Variants in FAM20A observed in about 807,000 individuals in gnomAD.
FAM20A encodes FAM20A golgi associated secretory pathway pseudokinase, also known as pseudokinase FAM20A.
A neutral mutation model predicts 52.0 loss-of-function variants in FAM20A; 42 were observed. That is an observed-to-expected ratio of 0.81 (90% CI 0.63 to 1.04). The LOEUF (loss-of-function observed/expected upper bound fraction) is 1.04. Ranked by LOEUF, FAM20A falls within the 50% of genes least tolerant of loss-of-function variation. The pLI is 0.00. For synonymous variants in FAM20A, 304 were observed against 298.9 expected (o/e 1.02, Z -0.18); for missense variants, 742 against 712.7 (o/e 1.04, Z -0.47).
In FAM20A at chr17:68,543,627, A is replaced by G. The variant is rs1483011834; in HGVS notation, c.812+2T>C. On this transcript the variant is annotated splice_donor_variant, in intron 5 of 10. Coordinates refer to ENST00000592554, the MANE Select transcript of FAM20A (RefSeq NM_017565.4). LOFTEE classifies it high-confidence loss of function. ...TGCCATCTCCATGGGGCCAGACCCT[A>G]CCTGTCCAGATGGAAAGCTGCGATC... 1 of 1,613,790 alleles carries G rather than the reference A, an allele frequency of 6.2e-7. No homozygotes were observed. Among genetic ancestry groups the G allele is most frequent in the African/African-American group, 1.3e-5 (1 of 74,886 alleles).
intron 1 of FAM20A, among the ~76,000 whole-genome samples, chr17:68,576,529 T>A (rs1489377974): frequency 6.6e-6 from 1 of 152,210 alleles, no homozygotes; most frequent in African/African-American, 2.4e-5. Context: ...CAAGGCTCCC[T>A]TCTGACTGTC....
At chr17:68,557,485 A>G (rs1237328494) in intron 1 of FAM20A, 2 of 152,218 alleles carry the variant, frequency 1.3e-5, no homozygotes, top group South Asian at 2.1e-4. Context: ...CCCTTCTGCC[A>G]TGTCAGGTTA....
chr17:68,555,138 C>T (rs1009472664), intron 2 of FAM20A, among the ~76,000 whole-genome samples: 17 of 152,212 alleles, frequency 1.1e-4, no homozygotes, highest in African/African-American at 4.1e-4. Context: ...CTTGACAGCA[C>T]AGACTTGGTA....
At chr17:68,558,840 C>T (rs1444107044) in intron 1 of FAM20A, among the ~76,000 whole-genome samples, 1 of 152,132 alleles carries the variant, frequency 6.6e-6, no homozygotes, top group Non-Finnish European at 1.5e-5. Flanking sequence ...CTCACTGCAA[C>T]CTCTACCTCC....
chr17:68,590,929 G>T (rs985496038), intron 1 of FAM20A, among the ~76,000 whole-genome samples: 1 of 112,606 alleles, frequency 8.9e-6, no homozygotes, highest in East Asian at 2.8e-4. Flanking sequence ...TCCCAGACCT[G>T]GCCCAATGAG....
chr17:68,597,447 C>T (rs1381048474), intron 1 of FAM20A, among the ~76,000 whole-genome samples: 2 of 151,876 alleles, frequency 1.3e-5, no homozygotes, highest in African/African-American at 4.8e-5. Flanking sequence ...TAGAGTGGCA[C>T]GATCTCTGCT....
chr17:68,539,226 C>G, intron 10 of FAM20A, 111 bp downstream of exon 10: 1 of 972,228 alleles, frequency 1.0e-6, no homozygotes, highest in South Asian at 1.3e-5. Context: ...TCATTCTACC[C>G]ACTTACGTCC....
Position 68,539,882 on chromosome 17 carries a change from C to T in FAM20A, c.1301+3G>A, listed in dbSNP as rs2086212414. On this transcript the variant is annotated splice_donor_region_variant and intron_variant, in intron 9 of 10. Coordinates refer to ENST00000592554, the MANE Select transcript of FAM20A (RefSeq NM_017565.4). Reference sequence around the variant, plus strand: ...ATTGTTGAACACACGTGGGGAAGCTCACCCTCTGGCGTTGTCAAGGTGAAT... The same window carrying T: ...ATTGTTGAACACACGTGGGGAAGCTTACCCTCTGGCGTTGTCAAGGTGAAT... 1 of 1,613,984 alleles carries T rather than the reference C, an allele frequency of 6.2e-7. No homozygotes were observed. The highest frequency in any genetic ancestry group is 8.5e-7 in the Non-Finnish European group (1 of 1,179,866).
At chr17:68,547,973 A>C (rs2086645915) in intron 4 of FAM20A, among the ~76,000 whole-genome samples, 1 of 152,134 alleles carries the variant, frequency 6.6e-6, no homozygotes, top group African/African-American at 2.4e-5. Flanking sequence ...TCCTCCTTTC[A>C]TGTGAACACT....
chr17:68,550,943 G>A, intron 4 of FAM20A: 1 of 599,952 alleles, frequency 1.7e-6, no homozygotes, highest in Non-Finnish European at 2.4e-6. Flanking sequence ...CATCTACTGG[G>A]GCTCTCAATG....
At chr17:68,556,403 G>GA (rs2143715750) in intron 1 of FAM20A, among the ~76,000 whole-genome samples, 1 of 152,316 alleles carries the variant, frequency 6.6e-6, no homozygotes, top group African/African-American at 2.4e-5. Context: ...GTATGTTTAT[G>GA]AAATAACCAG....
chr17:68,562,141 C>T (rs777030904), intron 1 of FAM20A, among the ~76,000 whole-genome samples: 4 of 152,140 alleles, frequency 2.6e-5, no homozygotes, highest in Non-Finnish European at 2.9e-5. Flanking sequence ...CCTTTCAAAA[C>T]GTGTAATGAG....
Position 68,600,303 on chromosome 17 carries a change from C to A in FAM20A, c.364G>T (p.Ala122Ser). Reference sequence around the variant, plus strand: ...ACCTTCCTCCGGTAATACCGCAGCGCCTCCTGGCTGGCCAGGAGCGAGTCC... The same window carrying A: ...ACCTTCCTCCGGTAATACCGCAGCGACTCCTGGCTGGCCAGGAGCGAGTCC... ...AEDSLLASQE[A>S]LRYYRRKVAR... Residue 122 changes from alanine to serine, a missense_variant, in exon 1 of 11, where the codon GCG becomes TCG. Physicochemically the swap from Ala to Ser is moderately conservative, Grantham distance 99 (BLOSUM62 1). Coordinates refer to ENST00000592554, the MANE Select transcript of FAM20A (RefSeq NM_017565.4). This position sits in a 1 kb window ranked among gnomAD's most constrained non-coding sequence, Gnocchi z 6.2. 1 of 1,583,160 alleles carries A rather than the reference C, an allele frequency of 6.3e-7. No individual in the cohort carries two copies.
chr17:68,585,245 A>G (rs913995232), intron 1 of FAM20A, among the ~76,000 whole-genome samples: 2 of 151,706 alleles, frequency 1.3e-5, no homozygotes, highest in Non-Finnish European at 2.9e-5. Flanking sequence ...CTTCAGAAAG[A>G]GCCTTTTGTT....
chr17:68,575,498 A>ATTATATATTATATATT (rs1462417924), intron 1 of FAM20A, among the ~76,000 whole-genome samples: 8 of 74,824 alleles, frequency 1.1e-4, no homozygotes, highest in East Asian at 6.0e-4. Context: ...TATTATAGAT[A>ATTATATATTATATATT]TTAGATATTA....
rs920297281 is a variant in FAM20A, at chr17:68,600,289, G to A, written c.378C>T (p.Tyr126=). 32 of 1,575,422 alleles carry A rather than the reference G, an allele frequency of 2.0e-5. No individual in the cohort carries two copies. Among genetic ancestry groups the A allele is most frequent in the Non-Finnish European group, 2.7e-5 (31 of 1,160,938 alleles). ...LLASQEALRY[Y]RRKVARWNRR... ...TGTTCCAGCGGGCCACCTTCCTCCG[G>A]TAATACCGCAGCGCCTCCTGGCTGG... The change falls in exon 1 of 11, where the codon TAC becomes TAT. Residue 126 remains tyrosine (Y), a synonymous_variant. Transcript: ENST00000592554. This position sits in a 1 kb window ranked among gnomAD's most constrained non-coding sequence, Gnocchi z 6.2.
At chr17:68,594,106 T>C (rs2088382189) in intron 1 of FAM20A, among the ~76,000 whole-genome samples, 1 of 152,150 alleles carries the variant, frequency 6.6e-6, no homozygotes, top group South Asian at 2.1e-4. Context: ...GTTTCCTCTA[T>C]AAAATGAAGT....
chr17:68,560,722 G>T (rs987254147), intron 1 of FAM20A, among the ~76,000 whole-genome samples: 3 of 152,188 alleles, frequency 2.0e-5, no homozygotes, highest in African/African-American at 7.2e-5. Context: ...GGGTCAGAGG[G>T]TAGGTGCATT....
intron 1 of FAM20A, chr17:68,598,007 T>G (rs889967537): frequency 6.6e-6 from 1 of 150,664 alleles, no homozygotes; most frequent in Non-Finnish European, 1.5e-5. Flanking sequence ...TGTATGGTTT[T>G]TTTTTTTTTT....
Sources: allele counts gnomAD v4.1 joint callset (sites outside exome capture counted in the v4.1 genomes callset), GRCh38; gene constraint gnomAD v4.1.1; non-coding constraint Gnocchi (gnomAD v3.1); transcripts MANE v1.5; gene names NCBI Gene and HGNC (gene_info 2026-07-23, HGNC 2026-07-21).